STK33: variants seen among roughly 807,000 people sequenced by gnomAD.
The protein encoded by STK33 is serine/threonine-protein kinase 33.
Under a neutral mutation model 58.0 loss-of-function variants are expected in STK33, and 52 were observed. That is an observed-to-expected ratio of 0.90 (90% CI 0.72 to 1.13). The LOEUF (loss-of-function observed/expected upper bound fraction) is 1.13, where lower values mean the gene tolerates loss of function less well. Among genes scored for constraint, STK33 ranks in the 50% most tolerant of loss-of-function variants. STK33 has a pLI of 0.00. For synonymous variants in STK33, 215 were observed against 200.1 expected, an observed-to-expected ratio of 1.07 and a Z score of -0.63; for missense variants, 630 against 604.2, an observed-to-expected ratio of 1.04 and a Z score of -0.45.
the STK33 span, among the ~76,000 whole-genome samples, chr11:8,348,553 G>A: frequency 6.6e-6 from 1 of 152,136 alleles, no homozygotes; most frequent in Admixed American, 6.5e-5. Context: ...GGGATTATGG[G>A]AACTACAATT....
At chr11:8,584,131 A>G (rs1335039731) in intron 1 of STK33, among the ~76,000 whole-genome samples, 4 of 151,486 alleles carry the variant, frequency 2.6e-5, no homozygotes, top group Non-Finnish European at 5.9e-5. Context: ...AAAAAAAGAA[A>G]GAAAACAAAG....
intron 1 of STK33, among the ~76,000 whole-genome samples, chr11:8,521,328 T>A (rs1187495210): frequency 6.6e-6 from 1 of 152,142 alleles, no homozygotes; most frequent in East Asian, 1.9e-4. Flanking sequence ...ACCACACATC[T>A]ACAACCATCT....
At chr11:8,539,918 T>C (rs561110068) in intron 1 of STK33, among the ~76,000 whole-genome samples, 76 of 152,238 alleles carry the variant, frequency 5.0e-4, no homozygotes, top group African/African-American at 1.8e-3. Flanking sequence ...AGAAAGATTA[T>C]ATGATCAATT....
chr11:8,363,333 CA>C, the STK33 span, among the ~76,000 whole-genome samples: 1 of 152,190 alleles, frequency 6.6e-6, no homozygotes, highest in African/African-American at 2.4e-5. Context: ...ATAAAGTACA[CA>C]CATTTTCAGT....
the STK33 span, among the ~76,000 whole-genome samples, chr11:8,365,869 C>T: frequency 1.5e-3 from 225 of 152,288 alleles, no homozygotes; most frequent in South Asian, 1.2e-3. Flanking sequence ...TCCTGGAACT[C>T]GGGCTTCAGC....
intron 1 of STK33, among the ~76,000 whole-genome samples, chr11:8,494,142 A>G (rs1242328127): frequency 6.6e-6 from 1 of 152,220 alleles, no homozygotes; most frequent in Admixed American, 6.5e-5. Flanking sequence ...CAATTAGGAA[A>G]AGAGAAAGTC....
At chr11:8,524,709 T>C (rs1953879009) in intron 1 of STK33, among the ~76,000 whole-genome samples, 1 of 152,176 alleles carries the variant, frequency 6.6e-6, no homozygotes, top group Admixed American at 6.5e-5. Context: ...TCACCTATTT[T>C]GGTAAAATTG....
chr11:8,489,308 A>T (rs1057500048), intron 1 of STK33, among the ~76,000 whole-genome samples: 1 of 151,718 alleles, frequency 6.6e-6, no homozygotes, highest in African/African-American at 2.4e-5. Flanking sequence ...GAACTAAAAG[A>T]AAGTATAAAG....
Position 8,504,876 on chromosome 11 carries a change from C to T in STK33, c.-465-24262G>A, listed in dbSNP as rs562516592. On this transcript the variant is annotated intron_variant, in intron 1 of 15. Transcript: ENST00000687296. The stretch of plus-strand genomic sequence containing the variant: ...ACAAAAGTAATAAATACTCAAAATT[C>T]ATCACTTCCTAATCATTTCATCACA... Among the ~76,000 whole-genome samples, 5 of 152,232 alleles carry T rather than the reference C, an allele frequency of 3.3e-5. No homozygotes were observed. The South Asian group carries it at 1.0e-3, about 32-fold the overall frequency.
rs1179373853 is a variant in STK33, at chr11:8,473,296, T to G, written c.226-20A>C. The G allele has an allele frequency of 1.8e-6, 2 of 1,139,304 alleles. No individual in the cohort carries two copies. The highest frequency in any genetic ancestry group is 3.2e-5 in the African/African-American group (2 of 61,746). The allele number at this position is 1,139,304 out of a possible 1,614,324, so 70.6% of individuals were successfully genotyped here. ...TGAGGGCTGGGACCAAAAAAAAAAT[T>G]AAAAAAAAAAAACTTTAAGATGTAA... On this transcript the variant is annotated intron_variant, in intron 5 of 15. Transcript: ENST00000687296.
intron 1 of STK33, among the ~76,000 whole-genome samples, chr11:8,562,985 A>G (rs951822470): frequency 1.3e-5 from 2 of 152,136 alleles, no homozygotes; most frequent in Admixed American, 1.3e-4. Context: ...AGAGTCCCCA[A>G]GTGTTATGGA....
chr11:8,528,191 T>G (rs1185656584), intron 1 of STK33, among the ~76,000 whole-genome samples: 1 of 152,086 alleles, frequency 6.6e-6, no homozygotes, highest in Non-Finnish European at 1.5e-5. Context: ...TCAGGTTCCC[T>G]GTACCCATGC....
At chr11:8,336,608 A>G in the STK33 span, among the ~76,000 whole-genome samples, 1 of 152,232 alleles carries the variant, frequency 6.6e-6, no homozygotes, top group Non-Finnish European at 1.5e-5. Context: ...GCCCTGCCAA[A>G]TGGTGCTATG....
intron 1 of STK33, among the ~76,000 whole-genome samples, chr11:8,514,357 C>A (rs1952589226): frequency 6.6e-6 from 1 of 151,986 alleles, no homozygotes; most frequent in African/African-American, 2.4e-5. Context: ...TGTGGGTTAG[C>A]CTGGAAACTT....
At chr11:8,553,194 ATATG>A (rs1565347304) in intron 1 of STK33, among the ~76,000 whole-genome samples, 2 of 72,398 alleles carry the variant, frequency 2.8e-5, no homozygotes, top group Non-Finnish European at 2.4e-5. Flanking sequence ...ATATATATAT[ATATG>A]GTGTATATAT....
intron 1 of STK33, among the ~76,000 whole-genome samples, chr11:8,593,329 A>G (rs1296835552): frequency 6.6e-6 from 1 of 152,154 alleles, no homozygotes; most frequent in African/African-American, 2.4e-5. Context: ...TATTGGAGTC[A>G]TTTGGTGGTC....
At chr11:8,392,767 A>G in intron 15 of STK33, 57 bp from the exon 16 acceptor site, 1 of 1,573,012 alleles carries the variant, frequency 6.4e-7, no homozygotes, top group Admixed American at 1.7e-5. Flanking sequence ...CATCAATTCA[A>G]AGATGCAAGG....
chr11:8,468,624 G>T (rs564470562), intron 6 of STK33, among the ~76,000 whole-genome samples: 374 of 151,658 alleles, frequency 2.5e-3, no homozygotes, highest in Admixed American at 4.5e-3. Flanking sequence ...TTCCAAGATG[G>T]TCTAAAAGCT....
chr11:8,520,220 T>C (rs1440450561), intron 1 of STK33, among the ~76,000 whole-genome samples: 1 of 152,160 alleles, frequency 6.6e-6, no homozygotes, highest in Non-Finnish European at 1.5e-5. Flanking sequence ...ATCCAGCATA[T>C]AAACAGAGCC....
Sources: gnomAD v4.1 joint callset for allele counts (sites outside exome capture counted in the v4.1 genomes callset) on GRCh38, gnomAD v4.1.1 for gene constraint, MANE v1.5 for transcripts, NCBI Gene and HGNC (gene_info 2026-07-23, HGNC 2026-07-21) for gene names.